The following TTC28 variants were observed in gnomAD, a reference collection of about 807,000 sequenced individuals.
TTC28 encodes tetratricopeptide repeat protein 28.
A neutral mutation model predicts 198.0 loss-of-function variants in TTC28; 61 were observed. The observed-to-expected ratio is 0.31, with a 90% CI of 0.25 to 0.38. TTC28 has a LOEUF of 0.38. TTC28 is among the 10% of genes least tolerant of loss of function. TTC28 has a pLI of 1.00. For synonymous variants in TTC28, 1,171 were observed against 1,297.8 expected, an observed-to-expected ratio of 0.90 and a Z score of 2.10; for missense variants, 2,678 against 3,164.0, an observed-to-expected ratio of 0.85 and a Z score of 3.69.
intron 6 of TTC28, among the ~76,000 whole-genome samples, chr22:28,132,512 CA>C (rs1333803365): frequency 6.6e-6 from 1 of 152,170 alleles, no homozygotes; most frequent in Non-Finnish European, 1.5e-5. Flanking sequence ...TTACTTTTTT[CA>C]TCAGTAAAGT....
At chr22:28,456,207 T>G (rs1362197851) in intron 2 of TTC28, among the ~76,000 whole-genome samples, 1 of 151,460 alleles carries the variant, frequency 6.6e-6, no homozygotes, top group African/African-American at 2.4e-5. Flanking sequence ...GATTCTGATA[T>G]TCCGCCACTA....
At chr22:28,397,376 T>C (rs1413449507) in intron 2 of TTC28, among the ~76,000 whole-genome samples, 1 of 152,214 alleles carries the variant, frequency 6.6e-6, no homozygotes, top group Non-Finnish European at 1.5e-5. Context: ...CTGTACGGAA[T>C]TGTCATGAAT....
chr22:28,163,149 C>T lies in TTC28; in HGVS notation c.1384G>A (p.Gly462Ser), dbSNP rs1921437095. The T allele has an allele frequency of 1.3e-6, 2 of 1,551,730 alleles. No homozygotes were observed. Among genetic ancestry groups the T allele is most frequent in the Non-Finnish European group, 8.7e-7 (1 of 1,147,010 alleles). Residue 462 changes from glycine to serine, a missense_variant, in exon 6 of 23, where the codon GGC becomes AGC. Coordinates refer to ENST00000397906, the MANE Select transcript of TTC28 (RefSeq NM_001145418.2). ...CGGTCCTTGAGATCCTCAGCAATGCCCAGCTGCTGCTCATGGTATTGTTTA... is the reference window on the plus strand; with the variant it reads ...CGGTCCTTGAGATCCTCAGCAATGCTCAGCTGCTGCTCATGGTATTGTTTA... ...RAKQYHEQQL[G>S]IAEDLKDRAA...
chr22:28,493,868 T>C (rs957223493), intron 2 of TTC28, among the ~76,000 whole-genome samples: 1 of 152,138 alleles, frequency 6.6e-6, no homozygotes, highest in East Asian at 1.9e-4. Context: ...ACCACATCAT[T>C]GGTCCTGTCT....
rs1444745146 is a variant in TTC28, at chr22:28,553,461, G to A, written c.381+76091C>T. Among the ~76,000 whole-genome samples the A allele has an allele frequency of 8.8e-5, 13 of 147,016 alleles. No individual in the cohort carries two copies. The South Asian group carries it at 1.5e-3, about 17-fold the overall frequency. ...CCGCCCTGTCTGGGATGTGAGGAGC[G>A]CCTCTGCCCGGCCGCAACCCCGTCT... On this transcript the variant is annotated intron_variant, in intron 2 of 22. Coordinates refer to ENST00000397906, the MANE Select transcript of TTC28 (RefSeq NM_001145418.2).
chr22:28,246,384 G>A (rs565213665), intron 5 of TTC28, among the ~76,000 whole-genome samples: 2 of 152,268 alleles, frequency 1.3e-5, no homozygotes, highest in Middle Eastern at 6.8e-3. Flanking sequence ...TGCTGAATCT[G>A]TAAAATAAAG....
chr22:28,280,661 C>CATA (rs1190986566), intron 5 of TTC28, among the ~76,000 whole-genome samples: 1 of 152,122 alleles, frequency 6.6e-6, no homozygotes, highest in Non-Finnish European at 1.5e-5. Context: ...TATTTACCAA[C>CATA]ATATTTATTA....
At chr22:28,341,723 G>C (rs13057685) in intron 2 of TTC28, among the ~76,000 whole-genome samples, 7,703 of 152,186 alleles carry the variant, frequency 0.051, 272 homozygotes, top group African/African-American at 0.094. Flanking sequence ...CCGGGAGGCA[G>C]AGGTTGCTAT....
intron 2 of TTC28, among the ~76,000 whole-genome samples, chr22:28,554,189 A>G (rs1290874153): frequency 1.3e-5 from 2 of 152,086 alleles, no homozygotes; most frequent in Admixed American, 1.3e-4. Flanking sequence ...GCTGGTTAAG[A>G]GTCATCACCA....
intron 2 of TTC28, among the ~76,000 whole-genome samples, chr22:28,588,731 GTC>G (rs1293481776): frequency 6.6e-6 from 1 of 152,210 alleles, no homozygotes; most frequent in Non-Finnish European, 1.5e-5. Flanking sequence ...CTGCAAATGA[GTC>G]TGTCTAGCCT....
chr22:28,318,052 T>G (rs1448572670), intron 2 of TTC28, among the ~76,000 whole-genome samples: 1 of 151,438 alleles, frequency 6.6e-6, no homozygotes, highest in African/African-American at 2.4e-5. Flanking sequence ...TACAGGTGTG[T>G]GCCACCAACC....
At chr22:28,567,155 C>T (rs899571160) in intron 2 of TTC28, among the ~76,000 whole-genome samples, 1 of 147,362 alleles carries the variant, frequency 6.8e-6, no homozygotes, top group African/African-American at 2.5e-5. Context: ...GCAGAGATTG[C>T]AGCGAGCCAA....
At chr22:28,143,345 A>G (rs1357036566) in intron 6 of TTC28, among the ~76,000 whole-genome samples, 3 of 152,232 alleles carry the variant, frequency 2.0e-5, no homozygotes, top group African/African-American at 7.2e-5. Context: ...TCAAAAAGGG[A>G]CATATCATTG....
intron 2 of TTC28, among the ~76,000 whole-genome samples, chr22:28,378,085 T>A (rs377182348): frequency 2.6e-5 from 4 of 152,288 alleles, no homozygotes; most frequent in South Asian, 2.1e-4. Flanking sequence ...CTCACGCCTA[T>A]AATCCCAGCA....
intron 6 of TTC28, among the ~76,000 whole-genome samples, chr22:28,142,356 T>C (rs1943359402): frequency 1.3e-5 from 2 of 152,240 alleles, no homozygotes; most frequent in Non-Finnish European, 2.9e-5. Flanking sequence ...GGAAGAGATC[T>C]GTTCTTCTTC....
chr22:28,101,064 T>G (rs1601619816), intron 9 of TTC28, 107 bp downstream of exon 9: 1 of 757,376 alleles, frequency 1.3e-6, no homozygotes. Flanking sequence ...AGCCCAAGGG[T>G]AGAAGTCAGT....
At chr22:28,394,601 T>C (rs1843995002) in intron 2 of TTC28, among the ~76,000 whole-genome samples, 1 of 152,212 alleles carries the variant, frequency 6.6e-6, no homozygotes, top group South Asian at 2.1e-4. Flanking sequence ...TCCGTATGAC[T>C]GTCAAACCCC....
At chr22:28,650,525 A>AT (rs989966544) in intron 1 of TTC28, among the ~76,000 whole-genome samples, 6 of 152,202 alleles carry the variant, frequency 3.9e-5, no homozygotes, top group African/African-American at 1.2e-4. Flanking sequence ...GGGATAAGCT[A>AT]TTTTTTATAA....
intron 2 of TTC28, among the ~76,000 whole-genome samples, chr22:28,398,365 G>A (rs1363204062): frequency 6.6e-6 from 1 of 152,156 alleles, no homozygotes; most frequent in African/African-American, 2.4e-5. Context: ...GCCAGAAGAG[G>A]GGAAAGAGAA....
Sources: gnomAD v4.1 joint callset for allele counts (sites outside exome capture counted in the v4.1 genomes callset) on GRCh38, gnomAD v4.1.1 for gene constraint, MANE v1.5 for transcripts, NCBI Gene and HGNC (gene_info 2026-07-23, HGNC 2026-07-21) for gene names.